NCKAP5: variants seen among roughly 807,000 people sequenced by gnomAD.
The protein encoded by NCKAP5 is NCK associated protein 5.
Under a neutral mutation model 167.0 loss-of-function variants are expected in NCKAP5, and 92 were observed. The ratio of observed to expected loss-of-function variants is 0.55; its 90% CI spans 0.47 to 0.66. The LOEUF (loss-of-function observed/expected upper bound fraction) is 0.66. Ranked by LOEUF, NCKAP5 falls within the 30% of genes least tolerant of loss-of-function variation. The pLI is 0.00. For missense variants in NCKAP5, 2,378 were observed against 2,315.0 expected (o/e 1.03, Z -0.56); for synonymous variants, 891 against 877.4 (o/e 1.02, Z -0.27).
At chr2:133,091,063 A>G (rs2081162565) in intron 6 of NCKAP5, among the ~76,000 whole-genome samples, 1 of 152,024 alleles carries the variant, frequency 6.6e-6, no homozygotes. Flanking sequence ...TCACCTCCCC[A>G]TTCATGCTCT....
chr2:133,193,612 C>T (rs766667905), intron 5 of NCKAP5, among the ~76,000 whole-genome samples: 23 of 151,992 alleles, frequency 1.5e-4, no homozygotes, highest in African/African-American at 4.6e-4. Flanking sequence ...CACTAGTAGT[C>T]GGTATAAAAA....
intron 8 of NCKAP5, among the ~76,000 whole-genome samples, chr2:132,952,112 T>C (rs1042735171): frequency 1.3e-5 from 2 of 152,208 alleles, no homozygotes; most frequent in Non-Finnish European, 2.9e-5. Context: ...TCAAAATTTA[T>C]GCTCTGTGAA....
the NCKAP5 span, among the ~76,000 whole-genome samples, chr2:133,658,601 ACT>A: frequency 1.3e-5 from 2 of 151,876 alleles, no homozygotes; most frequent in South Asian, 2.1e-4. Context: ...CCAGCCAAAC[ACT>A]CTCATCTGTT....
intron 3 of NCKAP5, among the ~76,000 whole-genome samples, chr2:133,338,599 G>C (rs1683368240): frequency 1.3e-5 from 2 of 152,170 alleles, no homozygotes; most frequent in Admixed American, 6.5e-5. Context: ...AAGGCAGGAG[G>C]CCTGTTATAT....
chr2:132,936,467 C>A (rs921654533), intron 8 of NCKAP5, among the ~76,000 whole-genome samples: 1 of 152,172 alleles, frequency 6.6e-6, no homozygotes. Flanking sequence ...GCCAGACACA[C>A]CCCCATAATA....
At chr2:133,548,158 C>T (rs902595690) in intron 2 of NCKAP5, among the ~76,000 whole-genome samples, 38 of 150,846 alleles carry the variant, frequency 2.5e-4, no homozygotes, top group East Asian at 1.4e-3. Context: ...TGAAATGAAG[C>T]GAGAAGGGAA....
chr2:133,577,006 A>C, the NCKAP5 span, among the ~76,000 whole-genome samples: 1 of 152,170 alleles, frequency 6.6e-6, no homozygotes, highest in African/African-American at 2.4e-5. Context: ...GTTTCCACCT[A>C]AGCCTCTGGT....
chr2:133,458,004 CA>C (rs1018744076), intron 3 of NCKAP5, among the ~76,000 whole-genome samples: 1 of 152,156 alleles, frequency 6.6e-6, no homozygotes, highest in Non-Finnish European at 1.5e-5. Context: ...ACATTGCAGC[CA>C]GTAAATCTGT....
chr2:133,394,045 A>C (rs1687589281), intron 3 of NCKAP5, among the ~76,000 whole-genome samples: 1 of 152,210 alleles, frequency 6.6e-6, no homozygotes, highest in African/African-American at 2.4e-5. Context: ...CATTCAACAC[A>C]CAAAGACAAA....
chr2:133,220,906 C>T (rs1465638770), intron 4 of NCKAP5, among the ~76,000 whole-genome samples: 1 of 152,102 alleles, frequency 6.6e-6, no homozygotes, highest in Non-Finnish European at 1.5e-5. Context: ...TGCTGTGTGC[C>T]CCACTCTCCA....
At chr2:133,359,169 T>C (rs1213931212) in intron 3 of NCKAP5, among the ~76,000 whole-genome samples, 2 of 152,194 alleles carry the variant, frequency 1.3e-5, no homozygotes, top group African/African-American at 2.4e-5. Flanking sequence ...CACCTTGGTA[T>C]TATCAGATAT....
chr2:133,170,964 T>A (rs1324214025), intron 5 of NCKAP5, among the ~76,000 whole-genome samples: 1 of 152,128 alleles, frequency 6.6e-6, no homozygotes, highest in African/African-American at 2.4e-5. Context: ...AATAAACTGA[T>A]CTAGTATACA....
chr2:133,093,389 T>A (rs2081250723), intron 6 of NCKAP5, among the ~76,000 whole-genome samples: 1 of 152,204 alleles, frequency 6.6e-6, no homozygotes, highest in Admixed American at 6.5e-5. Flanking sequence ...CAGCAGTGCC[T>A]GAATACCACT....
At chr2:133,004,221 A>G (rs1437897) in intron 6 of NCKAP5, among the ~76,000 whole-genome samples, 114,859 of 152,062 alleles carry the variant, frequency 0.76, 44,046 homozygotes, top group African/African-American at 0.88. Context: ...ACAGTTTGAA[A>G]TCAGGATTGA....
At chr2:132,702,420 G>C (rs946278566) in intron 19 of NCKAP5, among the ~76,000 whole-genome samples, 1 of 152,020 alleles carries the variant, frequency 6.6e-6, no homozygotes, top group African/African-American at 2.4e-5. Flanking sequence ...AGAGGAAGAG[G>C]AAGCAAGATT....
At chr2:133,073,006 A>G (rs1197765816) in intron 6 of NCKAP5, among the ~76,000 whole-genome samples, 1 of 152,176 alleles carries the variant, frequency 6.6e-6, no homozygotes, top group Non-Finnish European at 1.5e-5. Context: ...TGAGAACTCT[A>G]AAAATAATAA....
chr2:133,410,333 G>T (rs1688697554), intron 3 of NCKAP5, among the ~76,000 whole-genome samples: 1 of 152,154 alleles, frequency 6.6e-6, no homozygotes, highest in South Asian at 2.1e-4. Context: ...CATGGCCCAA[G>T]AAGTCATGTG....
chr2:133,013,487 C>G (rs189289863), intron 6 of NCKAP5, among the ~76,000 whole-genome samples: 1 of 152,318 alleles, frequency 6.6e-6, no homozygotes, highest in Non-Finnish European at 1.5e-5. Flanking sequence ...AGAGCTTGTG[C>G]AGGGAAATTC....
At chr2:132,893,096 AAAC>A (rs1316553702) in intron 8 of NCKAP5, among the ~76,000 whole-genome samples, 4 of 152,172 alleles carry the variant, frequency 2.6e-5, no homozygotes, top group East Asian at 1.9e-4. Context: ...AAGCAAGTTT[AAAC>A]AACAACAATA....
Sources: allele counts gnomAD v4.1 joint callset (sites outside exome capture counted in the v4.1 genomes callset), GRCh38; gene constraint gnomAD v4.1.1; transcripts MANE v1.5; gene names NCBI Gene and HGNC (gene_info 2026-07-23, HGNC 2026-07-21).